Variants in RAB38 observed in about 807,000 individuals in gnomAD.
The protein encoded by RAB38 is ras-related protein Rab-38.
A neutral mutation model predicts 18.4 loss-of-function variants in RAB38; 15 were observed. The ratio of observed to expected loss-of-function variants is 0.82; its 90% CI spans 0.55 to 1.26. The LOEUF is 1.26. Ranked by LOEUF, RAB38 falls within the 50% of genes most tolerant of loss-of-function variation. RAB38 has a pLI of 0.00. For synonymous variants in RAB38, 101 were observed against 104.4 expected (o/e 0.97, Z 0.20); for missense variants, 294 against 267.4 (o/e 1.10, Z -0.69).
At chr11:88,041,322 C>T in the RAB38 span, among the ~76,000 whole-genome samples, 4 of 152,198 alleles carry the variant, frequency 2.6e-5, no homozygotes, top group Admixed American at 2.6e-4. Flanking sequence ...GCCATTTGCA[C>T]ATATGTATCT....
the RAB38 span, among the ~76,000 whole-genome samples, chr11:87,873,521 T>A: frequency 6.6e-6 from 1 of 151,588 alleles, no homozygotes; most frequent in Admixed American, 6.6e-5. Flanking sequence ...TAAAAAGTAA[T>A]CACCAAACCC....
the RAB38 span, among the ~76,000 whole-genome samples, chr11:87,806,328 T>C: frequency 2.6e-5 from 4 of 152,134 alleles, no homozygotes; most frequent in Non-Finnish European, 4.4e-5. Context: ...AGATTCAGTG[T>C]CTGGTGAGGG....
chr11:87,942,939 T>C, the RAB38 span, among the ~76,000 whole-genome samples: 6 of 152,204 alleles, frequency 3.9e-5, no homozygotes, highest in Non-Finnish European at 8.8e-5. Flanking sequence ...TGGCTGCATC[T>C]TTGTTTTATT....
chr11:88,081,067 A>G, the RAB38 span, among the ~76,000 whole-genome samples: 1 of 151,922 alleles, frequency 6.6e-6, no homozygotes, highest in East Asian at 1.9e-4. Flanking sequence ...AATCATTAGA[A>G]AAACAGAAAA....
At chr11:87,825,707 G>T in the RAB38 span, among the ~76,000 whole-genome samples, 2 of 152,134 alleles carry the variant, frequency 1.3e-5, no homozygotes, top group African/African-American at 4.8e-5. Context: ...GAGGGAAGCA[G>T]TCCTGGGTAA....
At chr11:87,842,816 GCACACACACA>G in the RAB38 span, among the ~76,000 whole-genome samples, 5,675 of 147,322 alleles carry the variant, frequency 0.039, 132 homozygotes, top group African/African-American at 0.073. Flanking sequence ...ACACGCGCGC[GCACACACACA>G]CACACACACA....
chr11:87,861,921 A>G, the RAB38 span, among the ~76,000 whole-genome samples: 1 of 151,996 alleles, frequency 6.6e-6, no homozygotes, highest in Non-Finnish European at 1.5e-5. Context: ...CAAGCTCAAC[A>G]TCACTAATCA....
At chr11:87,893,836 A>G in the RAB38 span, among the ~76,000 whole-genome samples, 2 of 151,658 alleles carry the variant, frequency 1.3e-5, no homozygotes, top group African/African-American at 4.8e-5. Flanking sequence ...AGTATATGAA[A>G]TCAAGAAGTG....
At chr11:88,138,309 TGA>T (rs1942860717) in intron 2 of RAB38, among the ~76,000 whole-genome samples, 1 of 152,240 alleles carries the variant, frequency 6.6e-6, no homozygotes, top group African/African-American at 2.4e-5. Flanking sequence ...GCAAATTATG[TGA>T]GTGACTAATA....
the RAB38 span, among the ~76,000 whole-genome samples, chr11:87,969,548 AACT>A: frequency 6.6e-6 from 1 of 152,176 alleles, no homozygotes; most frequent in Non-Finnish European, 1.5e-5. Context: ...TTTATAATTT[AACT>A]ACTATTATTC....
At chr11:87,851,823 G>A in the RAB38 span, among the ~76,000 whole-genome samples, 1 of 152,116 alleles carries the variant, frequency 6.6e-6, no homozygotes, top group African/African-American at 2.4e-5. Context: ...TACCCTTGTA[G>A]GGGAGAAGAG....
chr11:88,114,958 T>G (rs1430736625), intron 2 of RAB38, among the ~76,000 whole-genome samples: 2 of 152,100 alleles, frequency 1.3e-5, no homozygotes, highest in Non-Finnish European at 2.9e-5. Context: ...ATATAACTCC[T>G]CAAGGAAAAA....
At chr11:88,003,857 TATA>T in the RAB38 span, among the ~76,000 whole-genome samples, 3 of 2,302 alleles carry the variant, frequency 1.3e-3, no homozygotes, top group African/African-American at 1.6e-3. Flanking sequence ...TATATAATTA[TATA>T]AATATAATTA....
chr11:88,153,217 A>G (rs1316549678), intron 1 of RAB38, among the ~76,000 whole-genome samples: 3 of 152,186 alleles, frequency 2.0e-5, no homozygotes, highest in Non-Finnish European at 4.4e-5. Flanking sequence ...CTATAAAATG[A>G]ACTTGGTGTG....
the RAB38 span, among the ~76,000 whole-genome samples, chr11:87,910,427 C>A: frequency 6.6e-6 from 1 of 151,832 alleles, no homozygotes; most frequent in Non-Finnish European, 1.5e-5. Context: ...ATTCTTTTAG[C>A]AGCGACTTTT....
the RAB38 span, among the ~76,000 whole-genome samples, chr11:87,949,120 G>C: frequency 3.3e-5 from 5 of 152,164 alleles, no homozygotes; most frequent in Non-Finnish European, 7.3e-5. Flanking sequence ...AGTCTTGGGA[G>C]GGTGTATGTG....
chr11:88,174,029 T>C (rs929379252), intron 1 of RAB38: 12 of 985,344 alleles, frequency 1.2e-5, no homozygotes, highest in South Asian at 4.7e-5. Flanking sequence ...CCAGCACTTA[T>C]AACGAAAGGT....
At chr11:88,063,525 G>A in the RAB38 span, among the ~76,000 whole-genome samples, 1 of 152,126 alleles carries the variant, frequency 6.6e-6, no homozygotes, top group African/African-American at 2.4e-5. Flanking sequence ...AGACAGTAAA[G>A]CCAGGGCTTA....
the RAB38 span, among the ~76,000 whole-genome samples, chr11:87,967,637 T>G: frequency 6.6e-6 from 1 of 152,114 alleles, no homozygotes; most frequent in Non-Finnish European, 1.5e-5. Flanking sequence ...CTTCTCCACT[T>G]CCAGTGTTTC....
Sources: allele counts gnomAD v4.1 joint callset (sites outside exome capture counted in the v4.1 genomes callset), GRCh38; gene constraint gnomAD v4.1.1; transcripts MANE v1.5; gene names NCBI Gene and HGNC (gene_info 2026-07-23, HGNC 2026-07-21).